MALRD1: variants seen among roughly 807,000 people sequenced by gnomAD.
MALRD1 encodes MAM and LDL-receptor class A domain-containing protein 1.
In MALRD1, 247 loss-of-function variants were observed where a neutral mutation model predicts 242.1. The observed-to-expected ratio is 1.02, with a 90% CI of 0.92 to 1.13. The LOEUF (loss-of-function observed/expected upper bound fraction) is 1.13, where lower values mean the gene tolerates loss of function less well. Ranked by LOEUF, MALRD1 falls within the 50% of genes most tolerant of loss-of-function variation. The pLI, the probability that MALRD1 is intolerant of heterozygous loss-of-function variation, is 0.00. For synonymous variants in MALRD1, 995 were observed against 866.6 expected, an observed-to-expected ratio of 1.15 and a Z score of -2.60; for missense variants, 2,989 against 2,533.1, an observed-to-expected ratio of 1.18 and a Z score of -3.86.
intron 33 of MALRD1, among the ~76,000 whole-genome samples, chr10:19,576,996 G>A (rs1399603584): frequency 7.5e-6 from 1 of 133,760 alleles, no homozygotes; most frequent in East Asian, 2.6e-4. Context: ...TGGCAAGAAT[G>A]AGTGATCTTT....
chr10:19,332,696 C>CTT (rs1261102567), intron 24 of MALRD1, among the ~76,000 whole-genome samples: 1 of 152,240 alleles, frequency 6.6e-6, no homozygotes, highest in South Asian at 2.1e-4. Flanking sequence ...ATATATAGAA[C>CTT]TTTTAATGTT....
chr10:19,507,385 C>T (rs1014300925), intron 31 of MALRD1, among the ~76,000 whole-genome samples: 5 of 151,808 alleles, frequency 3.3e-5, no homozygotes, highest in African/African-American at 4.8e-5. Flanking sequence ...AAAAATCGTT[C>T]CCACAAAGTA....
Position 19,207,527 on chromosome 10 carries a change from G to A in MALRD1, c.2579-1741G>A, listed in dbSNP as rs1836838809. 2.0e-5 allele frequency among the ~76,000 whole-genome samples: 3 copies of A among 152,084 alleles called. No homozygotes were observed. The South Asian group carries it at 6.2e-4, about 32-fold the overall frequency. On this transcript the variant is annotated intron_variant, in intron 17 of 39. Transcript: ENST00000454679. ...TGTTTGTTTGATTTTTTTAGAAAGAGTCTCCCTCTGTTGCTTAGGCTGGAG... is the reference window on the plus strand; with the variant it reads ...TGTTTGTTTGATTTTTTTAGAAAGAATCTCCCTCTGTTGCTTAGGCTGGAG...
At chr10:19,240,987 T>G (rs2499080) in intron 18 of MALRD1, among the ~76,000 whole-genome samples, 136,087 of 152,034 alleles carry the variant, frequency 0.9, 61,196 homozygotes, top group East Asian at 1. Context: ...GAGAATTTTT[T>G]TATCTATGTT....
chr10:19,373,265 T>G (rs1845466748), intron 26 of MALRD1, among the ~76,000 whole-genome samples: 2 of 52,548 alleles, frequency 3.8e-5, no homozygotes, highest in African/African-American at 1.4e-4. Context: ...CCCAGCACTT[T>G]GGGAGGGCGG....
intron 1 of MALRD1, among the ~76,000 whole-genome samples, chr10:19,056,248 G>C (rs920036975): frequency 1.3e-5 from 2 of 151,880 alleles, no homozygotes; most frequent in Non-Finnish European, 2.9e-5. Context: ...AATTTTGATA[G>C]GGATTGCATT....
At chr10:19,657,708 C>T (rs904665809) in intron 36 of MALRD1, among the ~76,000 whole-genome samples, 14 of 152,128 alleles carry the variant, frequency 9.2e-5, no homozygotes, top group African/African-American at 3.4e-4. Context: ...CAATTATACT[C>T]TGTTAGCTAT....
chr10:19,085,190 A>G (rs1835627337), intron 2 of MALRD1, among the ~76,000 whole-genome samples: 1 of 151,986 alleles, frequency 6.6e-6, no homozygotes, highest in Non-Finnish European at 1.5e-5. Flanking sequence ...GGGAGTGTTA[A>G]ATGAGGGAAT....
At chr10:19,716,004 T>C (rs1834368753) in intron 38 of MALRD1, among the ~76,000 whole-genome samples, 1 of 151,388 alleles carries the variant, frequency 6.6e-6, no homozygotes, top group Admixed American at 6.6e-5. Context: ...AGGCCCACTT[T>C]CCAACATTGG....
chr10:19,368,880 TG>T (rs1845231125), intron 26 of MALRD1, among the ~76,000 whole-genome samples: 2 of 144,558 alleles, frequency 1.4e-5, no homozygotes, highest in East Asian at 2.0e-4. Flanking sequence ...TATGTGTGTG[TG>T]TGTGTGTGTT....
intron 18 of MALRD1, among the ~76,000 whole-genome samples, chr10:19,255,550 CAA>C (rs1839469424): frequency 6.6e-6 from 1 of 151,944 alleles, no homozygotes; most frequent in African/African-American, 2.4e-5. Flanking sequence ...TGATTATTAT[CAA>C]AAAGTCTTTT....
intron 38 of MALRD1, among the ~76,000 whole-genome samples, chr10:19,697,830 C>T (rs1017723095): frequency 2.6e-5 from 4 of 152,096 alleles, no homozygotes; most frequent in African/African-American, 9.7e-5. Flanking sequence ...TTACCCTTTC[C>T]CTATTTCTTT....
chr10:19,690,725 TATATAA>T (rs1365565877), intron 36 of MALRD1, among the ~76,000 whole-genome samples: 1 of 151,818 alleles, frequency 6.6e-6, no homozygotes, highest in Non-Finnish European at 1.5e-5. Flanking sequence ...CCAGGTTCTA[TATATAA>T]ATATAAATAT....
chr10:19,257,741 C>T lies in MALRD1; in HGVS notation c.3049C>T (p.Leu1017=), dbSNP rs1179620410. The change falls in exon 19 of 40, where the codon CTG becomes TTG. Residue 1017 remains leucine, a synonymous_variant. Coordinates refer to ENST00000454679, the MANE Select transcript of MALRD1 (RefSeq NM_001142308.3). The part of the protein sequence containing the change: ...GFTGDIAIDD[L]SFMDCTLYPG... ...CACTGGAGATATTGCGATTGATGAT[C>T]TGTCATTTATGGACTGCACCCTCTA... 6.5e-7 allele frequency: 1 copy of T among 1,541,742 alleles called. No homozygotes were observed. The highest frequency in any genetic ancestry group is 8.8e-7 in the Non-Finnish European group (1 of 1,141,844).
At chr10:19,111,569 A>G (rs1013995556) in intron 5 of MALRD1, among the ~76,000 whole-genome samples, 7 of 152,232 alleles carry the variant, frequency 4.6e-5, no homozygotes, top group Non-Finnish European at 1.0e-4. Context: ...GCTGAATATC[A>G]TGAACCAAGA....
intron 31 of MALRD1, among the ~76,000 whole-genome samples, chr10:19,503,303 A>C (rs1417736554): frequency 6.6e-6 from 1 of 152,246 alleles, no homozygotes; most frequent in Non-Finnish European, 1.5e-5. Flanking sequence ...CAACAAATTC[A>C]GTGAGCCTAT....
At chr10:19,149,868 T>C (rs67664564) in intron 11 of MALRD1, among the ~76,000 whole-genome samples, 55,885 of 152,018 alleles carry the variant, frequency 0.37, 10,709 homozygotes, top group Admixed American at 0.43. Flanking sequence ...ACCACTGACA[T>C]CAATGATCTG....
At chr10:19,578,146 A>T (rs1564454296) in intron 33 of MALRD1, among the ~76,000 whole-genome samples, 55 of 151,750 alleles carry the variant, frequency 3.6e-4, no homozygotes, top group African/African-American at 1.3e-3. Flanking sequence ...TTAAGAAAAG[A>T]TTTTTTTTCA....
At chr10:19,678,258 G>A (rs925887559) in intron 36 of MALRD1, among the ~76,000 whole-genome samples, 2 of 152,086 alleles carry the variant, frequency 1.3e-5, no homozygotes, top group African/African-American at 2.4e-5. Context: ...ATTACTTTGC[G>A]CAGTATGGCC....
Sources: gnomAD v4.1 joint callset for allele counts (sites outside exome capture counted in the v4.1 genomes callset) on GRCh38, gnomAD v4.1.1 for gene constraint, MANE v1.5 for transcripts, NCBI Gene and HGNC (gene_info 2026-07-23, HGNC 2026-07-21) for gene names.